The following FTSJ1 variants were observed in gnomAD, a reference collection of about 807,000 sequenced individuals.
FTSJ1 encodes the protein FtsJ RNA 2'-O-methyltransferase 1.
A neutral mutation model predicts 28.5 loss-of-function variants in FTSJ1; 3 were observed. The ratio of observed to expected loss-of-function variants is 0.11; its 90% CI spans 0.05 to 0.27. The LOEUF is 0.27. Ranked by LOEUF, FTSJ1 falls within the 10% of genes least tolerant of loss-of-function variation. The pLI is 1.00. For missense variants in FTSJ1, 162 were observed against 279.0 expected (o/e 0.58, Z 2.99); for synonymous variants, 104 against 113.9 (o/e 0.91, Z 0.55).
Position 48,482,791 on chromosome X carries a change from T to C in FTSJ1, c.954T>C (p.Pro318=). The part of the protein sequence containing the change: ...AAPQCHTLLA[P]EMEDNEMSCS... The stretch of plus-strand genomic sequence containing the variant: ...CTCAGTGCCACACCCTGCTGGCCCC[T>C]GAGGTCTGGAAATGTGACTCTCAGC... Residue 318 remains proline, a synonymous_variant, in exon 11 of 13, where the codon CCT becomes CCC. Coordinates refer to ENST00000348411, the MANE Select transcript of FTSJ1 (RefSeq NM_012280.4). 8.3e-7 allele frequency: 1 copy of C among 1,207,574 alleles called. No individual in the cohort carries two copies. The highest frequency in any genetic ancestry group is 1.1e-6 in the Non-Finnish European group (1 of 892,835).
intron 9 of FTSJ1, 138 bp downstream of exon 9, chrX:48,481,853 G>T: frequency 1.9e-6 from 1 of 517,579 alleles, no homozygotes; most frequent in South Asian, 2.6e-5. Context: ...GGGATCCTTA[G>T]CCCCATTCTC....
At chrX:48,482,359 A>C in intron 9 of FTSJ1, 44 bp from the exon 10 acceptor site, 2 of 929,176 alleles carry the variant, frequency 2.2e-6, no homozygotes, top group South Asian at 2.0e-5. Context: ...GACTGGCCCC[A>C]GGCATCCTGA....
Position 48,486,090 on chromosome X carries a change from T to C in FTSJ1, c.*364T>C, listed in dbSNP as rs2061601293. ...TTATTTTCAGCAATGAAACTGAAAT[T>C]TAGCCTTACTCCCAAGTTATAAATG... is the stretch of plus-strand genomic sequence containing the variant. On this transcript the variant is annotated 3_prime_UTR_variant, in exon 13 of 13. Transcript: ENST00000348411. 1 of 112,278 alleles carries C rather than the reference T, an allele frequency of 8.9e-6. No individual in the cohort carries two copies. Among genetic ancestry groups the C allele is most frequent in the Admixed American group, 9.5e-5 (1 of 10,568 alleles). The allele number at this position is 112,278 out of a possible 1,213,427, so 9.3% of individuals were successfully genotyped here.
In FTSJ1 at chrX:48,481,362, G is replaced by C; in HGVS notation, c.468+20G>C. On this transcript the variant is annotated intron_variant, in intron 7 of 12. Coordinates refer to ENST00000348411, the MANE Select transcript of FTSJ1 (RefSeq NM_012280.4). ...GCCAAGGTAAGTCTCAAGGAACTTG[G>C]TGGAGTAGAGGGAGGTCGCTGAGGG... is the stretch of plus-strand genomic sequence containing the variant. The C allele has an allele frequency of 8.3e-7, 1 of 1,204,481 alleles. No individual in the cohort carries two copies. Among genetic ancestry groups the C allele is most frequent in the Non-Finnish European group, 1.1e-6 (1 of 889,130 alleles).
rs1452599362 is a variant in FTSJ1, at chrX:48,484,187, A to G, written c.*9+1160A>G. Among the ~76,000 whole-genome samples, 3 of 108,919 alleles carry G rather than the reference A, an allele frequency of 2.8e-5. No individual in the cohort carries two copies. The South Asian group carries it at 1.2e-3, about 44-fold the overall frequency. 94.6% of individuals were successfully genotyped at this position (108,919 alleles called of 115,157 possible). On this transcript the variant is annotated intron_variant, in intron 12 of 12. Coordinates refer to ENST00000348411, the MANE Select transcript of FTSJ1 (RefSeq NM_012280.4). ...CAAGTTCAAGCGATTCTCCTGCCTC[A>G]GCCTCCCAAATAGCTGGGATTACAG...
chrX:48,480,572 G>A (rs1459180340), intron 5 of FTSJ1, among the ~76,000 whole-genome samples: 1 of 110,191 alleles, frequency 9.1e-6, no homozygotes, highest in Non-Finnish European at 1.9e-5. Flanking sequence ...GACTGTGCTG[G>A]GCTTGGGCTA....
Position 48,479,198 on chromosome X carries a change from T to C in FTSJ1, c.361+82T>C, listed in dbSNP as rs1556967679. The C allele has an allele frequency of 5.4e-5, 34 of 626,865 alleles. No individual in the cohort carries two copies. The South Asian group carries it at 6.2e-4, about 11-fold the overall frequency. 51.7% of individuals were successfully genotyped at this position (626,865 alleles called of 1,213,427 possible). On this transcript the variant is annotated intron_variant, in intron 5 of 12. Coordinates refer to ENST00000348411, the MANE Select transcript of FTSJ1 (RefSeq NM_012280.4). ...TGTATCTCCCACCTTGGTTGACTTA[T>C]TCACCTCTTCAGTTACTCCCTGCCT... is the stretch of plus-strand genomic sequence containing the variant.
chrX:48,476,264 A>T lies in FTSJ1; in HGVS notation c.-220A>T, dbSNP rs1461020769. 8 of 297,619 alleles carry T rather than the reference A, an allele frequency of 2.7e-5. No homozygotes were observed. The highest frequency in any genetic ancestry group is 1.8e-5 in the Non-Finnish European group (3 of 170,328). 24.5% of individuals were successfully genotyped at this position (297,619 alleles called of 1,213,427 possible). On this transcript the variant is annotated 5_prime_UTR_variant, in exon 1 of 13. Transcript: ENST00000348411. ...ACGATGCCGAGTTTGCCACGCTGCG[A>T]CAGCCCATAGGCTTGCCCCCCCGGG...
At chrX:48,480,920 G>T (rs2061564571) in intron 5 of FTSJ1, among the ~76,000 whole-genome samples, 1 of 111,004 alleles carries the variant, frequency 9.0e-6, no homozygotes, top group Non-Finnish European at 1.9e-5. Flanking sequence ...GAACAGTCTG[G>T]GCTGGAGGTG....
At chrX:48,485,247 T>G (rs898329491) in intron 12 of FTSJ1, among the ~76,000 whole-genome samples, 1 of 111,242 alleles carries the variant, frequency 9.0e-6, no homozygotes, top group Non-Finnish European at 1.9e-5. Context: ...TGAGCTGAGA[T>G]CGTGCCACTG....
Position 48,484,770 on chromosome X carries a change from T to A in FTSJ1, c.*10-966T>A, listed in dbSNP as rs147216623. The stretch of plus-strand genomic sequence containing the variant: ...ACAGTTTTTAATATTTAAAGGGTCC[T>A]GTAAATCAATAAGGAAAAACATGAG... On this transcript the variant is annotated intron_variant, in intron 12 of 12. Transcript: ENST00000348411. 8.2e-3 allele frequency among the ~76,000 whole-genome samples: 919 copies of A among 112,291 alleles called. 8 individuals carry two copies. Among genetic ancestry groups the A allele is most frequent in the Non-Finnish European group, 0.013 (708 of 53,286 alleles).
intron 1 of FTSJ1, 69 bp from the exon 2 acceptor site, chrX:48,477,892 C>T (rs1260565499): frequency 2.5e-6 from 2 of 812,300 alleles, no homozygotes; most frequent in African/African-American, 4.1e-5. Context: ...GTCAGCCCAT[C>T]TTCTGTGTGA....
chrX:48,480,740 G>A (rs1483156489), intron 5 of FTSJ1, among the ~76,000 whole-genome samples: 5 of 111,305 alleles, frequency 4.5e-5, no homozygotes, highest in African/African-American at 1.6e-4. Context: ...TGTGAGGAGA[G>A]GATGCGGGGG....
At chrX:48,478,547 C>G in intron 3 of FTSJ1, 29 bp downstream of exon 3, 1 of 1,197,155 alleles carries the variant, frequency 8.4e-7, no homozygotes, top group South Asian at 1.8e-5. Flanking sequence ...GATGGGAGAC[C>G]CAGGAGGGCC....
rs1383111250 is a variant in FTSJ1, at chrX:48,477,973, G to A, written c.-75G>A. 8.3e-7 allele frequency: 1 copy of A among 1,201,268 alleles called. No individual in the cohort carries two copies. The highest frequency in any genetic ancestry group is 1.1e-6 in the Non-Finnish European group (1 of 889,145). On this transcript the variant is annotated 5_prime_UTR_variant, in exon 2 of 13. Coordinates refer to ENST00000348411, the MANE Select transcript of FTSJ1 (RefSeq NM_012280.4). Reference sequence around the variant, plus strand: ...CTCCGCCCTACAGAGGTAGGTGGTAGCCCATTCATCTGGTTACTGATACTG... The same window carrying A: ...CTCCGCCCTACAGAGGTAGGTGGTAACCCATTCATCTGGTTACTGATACTG...
intron 5 of FTSJ1, among the ~76,000 whole-genome samples, chrX:48,480,934 A>T (rs782413785): frequency 9.5e-4 from 106 of 111,139 alleles, no homozygotes; most frequent in Non-Finnish European, 4.0e-4. Context: ...GGAGGTGGAA[A>T]TGATAATGAT....
In FTSJ1 at chrX:48,482,641, C is replaced by T; in HGVS notation, c.804C>T (p.Pro268=). Residue 268 remains proline, a synonymous_variant, in exon 11 of 13, where the codon CCC becomes CCT. Coordinates refer to ENST00000348411, the MANE Select transcript of FTSJ1 (RefSeq NM_012280.4). The part of the protein sequence containing the change: ...SEYKYTPPTQ[P]PISPPYQEAC... ...ACAAGTACACTCCACCCACACAGCCCCCCATCTCGCCACCATACCAGGAGG... is the reference window on the plus strand; with the variant it reads ...ACAAGTACACTCCACCCACACAGCCTCCCATCTCGCCACCATACCAGGAGG... The T allele has an allele frequency of 8.3e-7, 1 of 1,203,583 alleles. No individual in the cohort carries two copies. The highest frequency in any genetic ancestry group is 1.1e-6 in the Non-Finnish European group (1 of 891,165).
Position 48,482,758 on chromosome X carries a change from G to A in FTSJ1, c.921G>A (p.Leu307=). Reference sequence around the variant, plus strand: ...GAGTGGACACGTTTCCCCAGCCCCTGGCCGCCCCTCAGTGCCACACCCTGC... The same window carrying A: ...GAGTGGACACGTTTCCCCAGCCCCTAGCCGCCCCTCAGTGCCACACCCTGC... The part of the protein sequence containing the change: ...ISRVDTFPQP[L]AAPQCHTLLA... Residue 307 remains leucine, a synonymous_variant, in exon 11 of 13, where the codon CTG becomes CTA. Coordinates refer to ENST00000348411, the MANE Select transcript of FTSJ1 (RefSeq NM_012280.4). The A allele has an allele frequency of 8.3e-7, 1 of 1,209,086 alleles. No homozygotes were observed. The highest frequency in any genetic ancestry group is 1.1e-6 in the Non-Finnish European group (1 of 894,032).
intron 9 of FTSJ1, 123 bp downstream of exon 9, chrX:48,481,838 C>T (rs1403028744): frequency 1.7e-4 from 92 of 530,297 alleles, no homozygotes; most frequent in Non-Finnish European, 2.7e-5. Context: ...AATTTTTTTC[C>T]CAAGGGGATC....
Sources: allele counts gnomAD v4.1 joint callset (sites outside exome capture counted in the v4.1 genomes callset), GRCh38; gene constraint gnomAD v4.1.1; transcripts MANE v1.5; gene names NCBI Gene and HGNC (gene_info 2026-07-23, HGNC 2026-07-21).